FBXO43: variants seen among roughly 807,000 people sequenced by gnomAD.
FBXO43 encodes F-box only protein 43.
A neutral mutation model predicts 56.7 loss-of-function variants in FBXO43; 22 were observed. That is an observed-to-expected ratio of 0.39 (90% CI 0.28 to 0.55). FBXO43 has a LOEUF of 0.55. FBXO43 is among the 20% of genes least tolerant of loss of function. The pLI is 0.66. For synonymous variants in FBXO43, 306 were observed against 294.5 expected (o/e 1.04, Z -0.40); for missense variants, 733 against 814.9 (o/e 0.90, Z 1.22).
chr8:100,145,070 C>T lies in FBXO43; in HGVS notation c.66G>A (p.Lys22=). ...TCTTACCATCAGTAAATCTTGAGCTCTTAGATGTCAAAGTTACGTAGGCTT... is the reference window on the plus strand; with the variant it reads ...TCTTACCATCAGTAAATCTTGAGCTTTTAGATGTCAAAGTTACGTAGGCTT... The part of the protein sequence containing the change: ...CLEAYVTLTS[K]SSRFTDETEI... The change falls in exon 1 of 5, where the codon AAG becomes AAA. Residue 22 remains lysine, a synonymous_variant. Coordinates refer to ENST00000428847, the MANE Select transcript of FBXO43 (RefSeq NM_001029860.4). The T allele has an allele frequency of 6.2e-7, 1 of 1,611,694 alleles. No homozygotes were observed. The highest frequency in any genetic ancestry group is 8.5e-7 in the Non-Finnish European group (1 of 1,178,312).
intron 1 of FBXO43, among the ~76,000 whole-genome samples, chr8:100,143,055 AAG>A (rs1814706804): frequency 6.6e-6 from 1 of 152,238 alleles, no homozygotes; most frequent in Non-Finnish European, 1.5e-5. Context: ...GAATGACACT[AAG>A]AAATATTTTA....
chr8:100,143,100 C>T (rs1563755257), intron 1 of FBXO43, among the ~76,000 whole-genome samples: 1 of 150,954 alleles, frequency 6.6e-6, no homozygotes, highest in East Asian at 2.0e-4. Context: ...TCATCACATT[C>T]CTTCTTTTTA....
At chr8:100,134,138 C>A in intron 4 of FBXO43, 23 bp downstream of exon 4, 1 of 1,606,946 alleles carries the variant, frequency 6.2e-7, no homozygotes, top group Non-Finnish European at 8.5e-7. Flanking sequence ...TTTCTAATAA[C>A]TTATGACATA....
At chr8:100,149,858 C>A (rs767793560), upstream of FBXO43, among the ~76,000 whole-genome samples, 2 of 152,140 alleles carry the variant, frequency 1.3e-5, no homozygotes, top group African/African-American at 2.4e-5. Context: ...ATTTTCTTCA[C>A]CCTACTAAGT....
upstream of FBXO43, among the ~76,000 whole-genome samples, chr8:100,149,666 T>A (rs138153231): frequency 1.2e-4 from 19 of 152,298 alleles, no homozygotes; most frequent in Middle Eastern, 6.8e-3. Context: ...TTTGAACTTC[T>A]GGAAGTGAAA....
At chr8:100,146,876 C>T (rs1413705734), upstream of FBXO43, among the ~76,000 whole-genome samples, 1 of 152,204 alleles carries the variant, frequency 6.6e-6, no homozygotes, top group Non-Finnish European at 1.5e-5. Flanking sequence ...GAGACAGGGT[C>T]TCGCTCTGTC....
At chr8:100,144,724 G>A (rs1395475267) in intron 1 of FBXO43, among the ~76,000 whole-genome samples, 2 of 151,644 alleles carry the variant, frequency 1.3e-5, no homozygotes, top group Non-Finnish European at 2.9e-5. Flanking sequence ...GAGGTCAGGA[G>A]AGCGAGACCA....
chr8:100,137,776 A>C, intron 2 of FBXO43, 109 bp from the exon 3 acceptor site: 1 of 714,644 alleles, frequency 1.4e-6, no homozygotes, highest in Admixed American at 3.2e-5. Flanking sequence ...CGGGCAGTAA[A>C]TTTAAACCTA....
Position 100,144,735 on chromosome 8 carries a change from A to T in FBXO43, c.85+316T>A, listed in dbSNP as rs562715132. Among the ~76,000 whole-genome samples, 286 of 151,912 alleles carry T rather than the reference A, an allele frequency of 1.9e-3. 3 individuals are homozygous for T. Among genetic ancestry groups the T allele is most frequent in the East Asian group, 6.2e-3 (32 of 5,172 alleles). ...TCACGAGGTCAGGAGAGCGAGACCA[A>T]CCTGGCTAACACGGTGAAACCCCGT... On this transcript the variant is annotated intron_variant, in intron 1 of 4. Coordinates refer to ENST00000428847, the MANE Select transcript of FBXO43 (RefSeq NM_001029860.4).
chr8:100,134,312 C>A lies in FBXO43; in HGVS notation c.1727G>T (p.Arg576Leu). ...TGCCTGCACAGATCTTAAAGCTGAG[C>A]GATTTAAAAGCTGGAGCCGAGTGGC... ...DAATRLQLLN[R>L]SALRSVQAQA... Residue 576 changes from arginine (R) to leucine (L), a missense_variant, in exon 4 of 5, where the codon CGC (arginine) becomes CTC (leucine). Physicochemically the swap from Arg to Leu is moderately radical, Grantham distance 102 (BLOSUM62 -2). Transcript: ENST00000428847. 1.9e-6 allele frequency: 3 copies of A among 1,613,922 alleles called. No individual in the cohort carries two copies. Among genetic ancestry groups the A allele is most frequent in the Non-Finnish European group, 2.5e-6 (3 of 1,180,012 alleles).
At position 100,137,630 on chromosome 8, in the gene FBXO43, C is replaced by G; in HGVS notation, c.1609G>C (p.Val537Leu). The G allele has an allele frequency of 6.2e-7, 1 of 1,612,842 alleles. No individual in the cohort carries two copies. Among genetic ancestry groups the G allele is most frequent in the Non-Finnish European group, 8.5e-7 (1 of 1,179,592 alleles). The change falls in exon 3 of 5, where the codon GTT becomes CTT. Residue 537 changes from valine to leucine, a missense_variant. Physicochemically the swap from Val to Leu is conservative, Grantham distance 32. Transcript: ENST00000428847. ...CTCCGATTTGCATTTTTATCTTGAA[C>G]AACAATTTCACGCCAATTTCTGCTT... ...KVSRNWREIVVQDKNANRRRK... is the reference protein window; with the variant it reads ...KVSRNWREIVLQDKNANRRRK...
intron 2 of FBXO43, among the ~76,000 whole-genome samples, chr8:100,139,359 G>A (rs1164599045): frequency 6.6e-6 from 1 of 152,078 alleles, no homozygotes; most frequent in African/African-American, 2.4e-5. Flanking sequence ...TTGGGAGGCC[G>A]AGGTGGGAGG....
At chr8:100,144,628 GAAAA>G (rs912423794) in intron 1 of FBXO43, among the ~76,000 whole-genome samples, 2 of 113,312 alleles carry the variant, frequency 1.8e-5, no homozygotes, top group African/African-American at 6.1e-5. Context: ...TGTTCTTTAA[GAAAA>G]AAAAAAAAAA....
intron 1 of FBXO43, among the ~76,000 whole-genome samples, chr8:100,143,230 G>C (rs2132141210): frequency 6.6e-6 from 1 of 152,316 alleles, no homozygotes; most frequent in East Asian, 1.9e-4. Flanking sequence ...ACATGAAGAA[G>C]ACTGTCATTC....
intron 1 of FBXO43, among the ~76,000 whole-genome samples, chr8:100,144,061 A>G (rs1814742174): frequency 6.6e-6 from 1 of 152,154 alleles, no homozygotes; most frequent in Non-Finnish European, 1.5e-5. Flanking sequence ...GCAATAGCCA[A>G]CGCGCCCGGC....
intron 4 of FBXO43, 50 bp from the exon 5 acceptor site, chr8:100,134,100 A>T: frequency 6.2e-7 from 1 of 1,604,306 alleles, no homozygotes; most frequent in Non-Finnish European, 8.5e-7. Context: ...ATAGAGGAGC[A>T]CTTTATTTCA....
Position 100,133,767 on chromosome 8 carries a change from G to C in FBXO43, c.*35C>G, listed in dbSNP as rs1030902863. On this transcript the variant is annotated 3_prime_UTR_variant, in exon 5 of 5. Coordinates refer to ENST00000428847, the MANE Select transcript of FBXO43 (RefSeq NM_001029860.4). ...TTCATAATTTTAAGTCAGATAAATA[G>C]AACACTGCATGGGGGAGTTCTATAT... The C allele has an allele frequency of 1.9e-6, 3 of 1,567,690 alleles. No individual in the cohort carries two copies. Among genetic ancestry groups the C allele is most frequent in the African/African-American group, 2.7e-5 (2 of 72,808 alleles).
chr8:100,133,871 T>G lies in FBXO43; in HGVS notation c.2058A>C (p.Ala686=). The G allele has an allele frequency of 6.2e-7, 1 of 1,614,234 alleles. No individual in the cohort carries two copies. Among genetic ancestry groups the G allele is most frequent in the Non-Finnish European group, 8.5e-7 (1 of 1,180,044 alleles). Residue 686 remains alanine, a synonymous_variant, in exon 5 of 5, where the codon GCA becomes GCC. Transcript: ENST00000428847. ...GAGCATCTTTTCTATTTCTTGGCTTTGCTGCTCCTCTACTACATTCTTCAG... is the reference window on the plus strand; with the variant it reads ...GAGCATCTTTTCTATTTCTTGGCTTGGCTGCTCCTCTACTACATTCTTCAG... The part of the protein sequence containing the change: ...HGSEECSRGA[A]KPRNRKDALP...
chr8:100,134,288 G>A lies in FBXO43; in HGVS notation c.1751C>T (p.Ala584Val). ...LNRSALRSVQ[A>V]QARIPGSQRE... ...CTGAGAACCAGGTATCCTAGCCTGT[G>A]CCTGCACAGATCTTAAAGCTGAGCG... The change falls in exon 4 of 5, where the codon GCA (alanine) becomes GTA (valine). Residue 584 changes from alanine to valine, a missense_variant. Transcript: ENST00000428847. 3 of 1,614,088 alleles carry A rather than the reference G, an allele frequency of 1.9e-6. No homozygotes were observed. Among genetic ancestry groups the A allele is most frequent in the South Asian group, 1.1e-5 (1 of 91,074 alleles).
Sources: gnomAD v4.1 joint callset for allele counts (sites outside exome capture counted in the v4.1 genomes callset) on GRCh38, gnomAD v4.1.1 for gene constraint, MANE v1.5 for transcripts, NCBI Gene and HGNC (gene_info 2026-07-23, HGNC 2026-07-21) for gene names.